The following HOXA3 variants were observed in gnomAD, a reference collection of about 807,000 sequenced individuals.
HOXA3 encodes the protein homeobox protein Hox-A3.
In HOXA3, 8 loss-of-function variants were observed where a neutral mutation model predicts 30.3. The ratio of observed to expected loss-of-function variants is 0.26; its 90% CI spans 0.15 to 0.48. The LOEUF is 0.48. HOXA3 is among the 20% of genes least tolerant of loss of function. HOXA3 has a pLI of 0.99. For missense variants in HOXA3, 653 were observed against 614.4 expected, an observed-to-expected ratio of 1.06 and a Z score of -0.66; for synonymous variants, 323 against 273.1, an observed-to-expected ratio of 1.18 and a Z score of -1.80.
At chr7:27,126,024 A>G (rs1318336865) in intron 3 of HOXA3, among the ~76,000 whole-genome samples, 6 of 152,130 alleles carry the variant, frequency 3.9e-5, no homozygotes, top group African/African-American at 9.7e-5. Context: ...TCCCCCATCT[A>G]TCTAGGTAAT....
intron 4 of HOXA3, among the ~76,000 whole-genome samples, chr7:27,111,468 TTGTGTGGAACACATTGCGTG>T (rs1784370249): frequency 7.0e-6 from 1 of 142,344 alleles, no homozygotes; most frequent in South Asian, 2.3e-4. Flanking sequence ...AGGGAAAACT[TTGTGTGGAACACATTGCGTG>T]TGTGTGTGTG....
chr7:27,120,896 A>G (rs1784972951), intron 4 of HOXA3: 1 of 152,178 alleles, frequency 6.6e-6, no homozygotes, highest in Admixed American at 6.6e-5. Context: ...CCTGGAGCAA[A>G]GCTACGGGCC....
At chr7:27,130,369 T>G in intron 2 of HOXA3, 2 of 1,141,238 alleles carry the variant, frequency 1.8e-6, no homozygotes, top group Non-Finnish European at 2.1e-6. Flanking sequence ...GCCCTTGGCT[T>G]GCGCCGGGGG....
intron 1 of HOXA3, chr7:27,141,891 C>T (rs1266154517): frequency 6.2e-7 from 1 of 1,614,200 alleles, no homozygotes; most frequent in Admixed American, 1.7e-5. Context: ...AGCTTATTAT[C>T]TTTTTTCCAC....
At chr7:27,120,688 G>T (rs761947445) in intron 4 of HOXA3, among the ~76,000 whole-genome samples, 6 of 152,114 alleles carry the variant, frequency 3.9e-5, no homozygotes, top group Non-Finnish European at 7.4e-5. Context: ...TGCTCCAACT[G>T]CTGTTTAACA....
At chr7:27,133,789 C>T (rs980763873) in intron 2 of HOXA3, among the ~76,000 whole-genome samples, 6 of 152,116 alleles carry the variant, frequency 3.9e-5, no homozygotes, top group African/African-American at 1.2e-4. Flanking sequence ...TCAAAGTGAC[C>T]GAACAGTGAC....
rs144351903 is a variant in HOXA3, at chr7:27,108,678, G to C, written c.569C>G (p.Ser190Trp). ...AGDKSPPGQA[S>W]SKRARTAYTS... Reference sequence around the variant, plus strand: ...GTAGGCCGTGCGCGCGCGCTTGGACGAAGCCTGCCCCGGCGGGCTCTTGTC... The same window carrying C: ...GTAGGCCGTGCGCGCGCGCTTGGACCAAGCCTGCCCCGGCGGGCTCTTGTC... The change falls in exon 6 of 6, where the codon TCG becomes TGG. Residue 190 changes from serine (S) to tryptophan (W), a missense_variant. Transcript: ENST00000612286. This position sits in a 1 kb window ranked among gnomAD's most constrained non-coding sequence, Gnocchi z 5.0. The C allele has an allele frequency of 2.3e-4, 363 of 1,609,984 alleles. No individual in the cohort carries two copies. Among genetic ancestry groups the C allele is most frequent in the Non-Finnish European group, 2.8e-4 (329 of 1,177,068 alleles).
chr7:27,131,658 G>T (rs1190315441), intron 2 of HOXA3, among the ~76,000 whole-genome samples: 1 of 152,188 alleles, frequency 6.6e-6, no homozygotes, highest in Non-Finnish European at 1.5e-5. Context: ...GTGGCCCAAG[G>T]ATGGGAATGG....
chr7:27,143,648 G>T, intron 1 of HOXA3: 3 of 1,553,936 alleles, frequency 1.9e-6, no homozygotes, highest in South Asian at 1.2e-5. Context: ...GCTCGCGGTC[G>T]TTTGTGCGTC....
intron 2 of HOXA3, among the ~76,000 whole-genome samples, chr7:27,131,074 C>A (rs759424526): frequency 2.6e-5 from 4 of 152,112 alleles, no homozygotes; most frequent in African/African-American, 9.7e-5. Flanking sequence ...GAGCTTTGGA[C>A]CCCAGCCCCC....
At chr7:27,122,114 A>G (rs1785044141) in intron 4 of HOXA3, 1 of 152,328 alleles carries the variant, frequency 6.6e-6, no homozygotes, top group South Asian at 2.1e-4. Context: ...TTTCCTCAAC[A>G]GCGAGCTGGG....
At chr7:27,138,030 C>T (rs754295288) in intron 2 of HOXA3, among the ~76,000 whole-genome samples, 20 of 151,888 alleles carry the variant, frequency 1.3e-4, no homozygotes, top group Non-Finnish European at 2.2e-4. Context: ...GGAACCATAA[C>T]GCAATATTTT....
At position 27,107,506 on chromosome 7, in the gene HOXA3, TA is replaced by T. The variant is rs5883060; in HGVS notation, c.*408del. 9.7e-4 allele frequency: 149 copies of T among 153,592 alleles called. No homozygotes were observed. Among genetic ancestry groups the T allele is most frequent in the Admixed American group, 1.8e-3 (28 of 15,212 alleles). 9.5% of individuals were successfully genotyped at this position (153,592 alleles called of 1,614,324 possible). On this transcript the variant is annotated 3_prime_UTR_variant, in exon 6 of 6. Coordinates refer to ENST00000612286, the MANE Select transcript of HOXA3 (RefSeq NM_153631.3). ...TCTCACTCTTTACAAGAAGTGCAAT[TA>T]AAAAAAAAATTTAAAATTAAAAAAA...
At chr7:27,141,707 G>C in intron 1 of HOXA3, 3 of 1,187,526 alleles carry the variant, frequency 2.5e-6, no homozygotes, top group Non-Finnish European at 3.6e-6. Flanking sequence ...ATGATTAAAA[G>C]ATGAATTAGG....
In HOXA3 at chr7:27,147,361, C is replaced by T. The variant is rs756210185; in HGVS notation, c.-494+4927G>A. On this transcript the variant is annotated intron_variant, in intron 1 of 5. Coordinates refer to ENST00000612286, the MANE Select transcript of HOXA3 (RefSeq NM_153631.3). ...AGGGTAAACCGGGCTCGTGTACTTC[C>T]GGTCGGCGCCTTCGTCATGGAGTGC... The T allele has an allele frequency of 6.2e-6, 10 of 1,614,080 alleles. No homozygotes were observed. In the East Asian group the frequency reaches 2.2e-4, roughly 36 times the overall value.
rs13437722 is a variant in HOXA3 at position 27,107,034 on chromosome 7, C to A, written c.*881G>T. The A allele has an allele frequency of 1.3e-5, 2 of 152,642 alleles. No individual in the cohort carries two copies. The highest frequency in any genetic ancestry group is 3.8e-4 in the East Asian group (2 of 5,204). The allele number at this position is 152,642 out of a possible 1,614,324, so 9.5% of individuals were successfully genotyped here. On this transcript the variant is annotated 3_prime_UTR_variant, in exon 6 of 6. Coordinates refer to ENST00000612286, the MANE Select transcript of HOXA3 (RefSeq NM_153631.3). ...ATTATTCAGAATAAAAACTTTATTT[C>A]TTTTTGTTTCTCAGAATGTGAGCAG...
rs774223850 is a variant in HOXA3, at chr7:27,110,547, G to T, written c.94C>A (p.Pro32Thr). ...CCCAAAGCGGCGGACGCCGGGTACG[G>T]CTGCTGATTGGCATTATAAGCGAAC... ...NGFAYNANQQPYPASAALGAD... is the reference protein window; with the variant it reads ...NGFAYNANQQTYPASAALGAD... The change falls in exon 5 of 6, where the codon CCG (proline) becomes ACG (threonine). Residue 32 changes from proline to threonine, a missense_variant. By Grantham distance (38) the Pro-to-Thr change is conservative (BLOSUM62 -1). This residue lies in a region of HOXA3 where 320 missense variants were observed against 321.9 expected (regional missense o/e 0.99). Transcript: ENST00000612286. 2 of 1,606,860 alleles carry T rather than the reference G, an allele frequency of 1.2e-6. No individual in the cohort carries two copies. Among genetic ancestry groups the T allele is most frequent in the South Asian group, 1.1e-5 (1 of 90,996 alleles).
intron 4 of HOXA3, chr7:27,121,959 G>A (rs1396969664): frequency 3.9e-5 from 6 of 153,062 alleles, no homozygotes; most frequent in African/African-American, 9.6e-5. Context: ...CGCTTTTCCC[G>A]TAGGAAGAAC....
At chr7:27,114,594 A>G (rs966109235) in intron 4 of HOXA3, among the ~76,000 whole-genome samples, 2 of 151,210 alleles carry the variant, frequency 1.3e-5, no homozygotes, top group African/African-American at 4.9e-5. Flanking sequence ...TTGTTCCAGC[A>G]GTGAAATGGG....
Sources: gnomAD v4.1 joint callset for allele counts (sites outside exome capture counted in the v4.1 genomes callset) on GRCh38, gnomAD v4.1.1 for gene constraint, gnomAD v4.1.1 regional missense constraint, Gnocchi (gnomAD v3.1) non-coding constraint, MANE v1.5 for transcripts, NCBI Gene and HGNC (gene_info 2026-07-23, HGNC 2026-07-21) for gene names.